DROSHA: variants seen among roughly 807,000 people sequenced by gnomAD.
DROSHA encodes ribonuclease 3.
A neutral mutation model predicts 181.9 loss-of-function variants in DROSHA; 56 were observed. The observed-to-expected ratio is 0.31, with a 90% CI of 0.25 to 0.38. DROSHA has a LOEUF of 0.38. Among genes scored for constraint, DROSHA ranks in the 10% least tolerant of loss-of-function variants. The pLI, the probability that DROSHA is intolerant of heterozygous loss-of-function variation, is 1.00. For missense variants in DROSHA, 1,218 were observed against 1,743.5 expected, an observed-to-expected ratio of 0.70 and a Z score of 5.37; for synonymous variants, 524 against 591.2, an observed-to-expected ratio of 0.89 and a Z score of 1.65.
rs753462339 is a variant in DROSHA at position 31,486,443 on chromosome 5, A to G, written c.1914+48T>C. The G allele has an allele frequency of 4.4e-6, 7 of 1,593,326 alleles. No individual in the cohort carries two copies. The East Asian group carries it at 1.3e-4, about 31-fold the overall frequency. ...ATGCTTTAAAATAGTAGTATGGAAC[A>G]AGCAAAAGAGCAAACTACATCAAAC... On this transcript the variant is annotated intron_variant, in intron 14 of 35. Transcript: ENST00000344624.
At position 31,508,916 on chromosome 5, in the gene DROSHA, G is replaced by A. The variant is rs112474631; in HGVS notation, c.1433-141C>T. 1,910 of 938,400 alleles carry A rather than the reference G, an allele frequency of 2.0e-3. 36 individuals carry two copies. The African/African-American group carries it at 0.028, about 14-fold the overall frequency. 58.1% of individuals were successfully genotyped at this position (938,400 alleles called of 1,614,324 possible). A position where few individuals can be genotyped will look rare whatever the true frequency, so the allele number is the denominator to read the frequency against. On this transcript the variant is annotated intron_variant, in intron 9 of 35. Coordinates refer to ENST00000344624, the MANE Select transcript of DROSHA (RefSeq NM_001382508.1). Reference sequence around the variant, plus strand: ...CAGCTCACTGCAAACTCCACCTCCCGAGTTCAAGTGATTCTCCTGCCTTAG... The same window carrying A: ...CAGCTCACTGCAAACTCCACCTCCCAAGTTCAAGTGATTCTCCTGCCTTAG...
At chr5:31,450,667 G>A (rs1746872024) in intron 21 of DROSHA, among the ~76,000 whole-genome samples, 1 of 152,064 alleles carries the variant, frequency 6.6e-6, no homozygotes, top group Admixed American at 6.6e-5. Context: ...AACGGACACT[G>A]GAGACTCAGA....
chr5:31,505,754 C>G (rs1202849050), intron 10 of DROSHA: 1 of 152,112 alleles, frequency 6.6e-6, no homozygotes, highest in African/African-American at 2.4e-5. Context: ...CGTTTCTTCT[C>G]CACTCCCACT....
chr5:31,442,222 C>T (rs1423168014), intron 23 of DROSHA, among the ~76,000 whole-genome samples: 1 of 152,180 alleles, frequency 6.6e-6, no homozygotes, highest in Non-Finnish European at 1.5e-5. Context: ...CCAAATCCAA[C>T]ATATGTTTTT....
chr5:31,529,734 C>CAAAAAAAA (rs70955715), intron 3 of DROSHA, among the ~76,000 whole-genome samples: 1 of 91,330 alleles, frequency 1.1e-5, no homozygotes, highest in African/African-American at 4.0e-5. Flanking sequence ...AAAAAACAAA[C>CAAAAAAAA]AAAAAAAAAA....
intron 16 of DROSHA, among the ~76,000 whole-genome samples, chr5:31,481,321 C>T (rs1386576219): frequency 1.3e-5 from 2 of 152,098 alleles, no homozygotes; most frequent in East Asian, 3.8e-4. Flanking sequence ...TTTATGACAA[C>T]CTAAATGTTA....
At chr5:31,521,888 T>G (rs547188122) in intron 5 of DROSHA, among the ~76,000 whole-genome samples, 1 of 151,142 alleles carries the variant, frequency 6.6e-6, no homozygotes, top group African/African-American at 2.5e-5. Context: ...TATTTAACAA[T>G]GAGGACCTAG....
intron 34 of DROSHA, 66 bp from the exon 35 acceptor site, chr5:31,405,789 T>G: frequency 8.4e-7 from 1 of 1,191,690 alleles, no homozygotes. Context: ...TTTTTTTTTT[T>G]TTCAAAAAAT....
At chr5:31,424,895 ATT>A (rs1385054654) in intron 27 of DROSHA, among the ~76,000 whole-genome samples, 2 of 152,190 alleles carry the variant, frequency 1.3e-5, no homozygotes, top group Non-Finnish European at 2.9e-5. Context: ...CATATGAGCT[ATT>A]TTAAGATGGA....
intron 4 of DROSHA, among the ~76,000 whole-genome samples, chr5:31,528,213 G>C (rs139089083): frequency 1.3e-5 from 2 of 152,130 alleles, no homozygotes; most frequent in East Asian, 3.9e-4. Flanking sequence ...TGCTTCAATT[G>C]ACATCAATCT....
chr5:31,510,887 A>T, intron 9 of DROSHA, 148 bp downstream of exon 9: 1 of 965,434 alleles, frequency 1.0e-6, no homozygotes. Context: ...AGGAAGTTCT[A>T]CTGCTATGTA....
At chr5:31,503,339 C>T (rs548630207) in intron 11 of DROSHA, among the ~76,000 whole-genome samples, 4 of 152,334 alleles carry the variant, frequency 2.6e-5, no homozygotes, top group Admixed American at 2.0e-4. Flanking sequence ...CATGCTGAGC[C>T]CCCAAAATGG....
intron 14 of DROSHA, among the ~76,000 whole-genome samples, chr5:31,485,851 T>G (rs1751680420): frequency 2.0e-5 from 3 of 152,144 alleles, no homozygotes; most frequent in African/African-American, 7.2e-5. Context: ...AGCCAGGGGC[T>G]CCGGAAATTG....
intron 13 of DROSHA, among the ~76,000 whole-genome samples, chr5:31,492,496 T>C (rs1465812722): frequency 6.6e-6 from 1 of 152,242 alleles, no homozygotes; most frequent in Non-Finnish European, 1.5e-5. Flanking sequence ...GGATATACAA[T>C]AGCTACAATT....
chr5:31,504,457 TG>T, intron 11 of DROSHA, 97 bp downstream of exon 11: 1 of 1,309,936 alleles, frequency 7.6e-7, no homozygotes, highest in Admixed American at 2.1e-5. Context: ...AAGAGAATTT[TG>T]ATGGTATTAT....
chr5:31,402,176 C>G (rs1345078223), intron 35 of DROSHA, among the ~76,000 whole-genome samples: 1 of 152,186 alleles, frequency 6.6e-6, no homozygotes, highest in Non-Finnish European at 1.5e-5. Flanking sequence ...AAAGCGGACA[C>G]ATAACCTCAT....
chr5:31,484,863 T>G lies in DROSHA; in HGVS notation c.1996+18A>C. On this transcript the variant is annotated intron_variant, in intron 15 of 35. Transcript: ENST00000344624. ...TCTTCCATAAACACTACTCTCTTCT[T>G]TAAATCCTATTACTTACCTTTAAGA... 1 of 1,499,252 alleles carries G rather than the reference T, an allele frequency of 6.7e-7. No individual in the cohort carries two copies. Among genetic ancestry groups the G allele is most frequent in the Non-Finnish European group, 9.0e-7 (1 of 1,106,340 alleles). The allele number at this position is 1,499,252 out of a possible 1,614,324, so 92.9% of individuals were successfully genotyped here. A position where few individuals can be genotyped will look rare whatever the true frequency, so the allele number is the denominator to read the frequency against.
chr5:31,515,690 A>C, intron 6 of DROSHA, 126 bp from the exon 7 acceptor site: 3 of 1,322,828 alleles, frequency 2.3e-6, no homozygotes, highest in Admixed American at 2.6e-5. Flanking sequence ...TTAAGACTTC[A>C]CAAAACAGGG....
At chr5:31,463,960 T>C (rs1748727608) in intron 20 of DROSHA, 3 of 382,962 alleles carry the variant, frequency 7.8e-6, no homozygotes, top group Admixed American at 4.2e-5. Flanking sequence ...AGGACAGACT[T>C]ACCTTTATCC....
Sources: gnomAD v4.1 joint callset for allele counts (sites outside exome capture counted in the v4.1 genomes callset) on GRCh38, gnomAD v4.1.1 for gene constraint, MANE v1.5 for transcripts, NCBI Gene and HGNC (gene_info 2026-07-23, HGNC 2026-07-21) for gene names.